PLEKHH2: variants seen among roughly 807,000 people sequenced by gnomAD.
PLEKHH2 encodes pleckstrin homology domain-containing family H member 2.
A neutral mutation model predicts 187.9 loss-of-function variants in PLEKHH2; 129 were observed. The observed-to-expected ratio is 0.69, with a 90% CI of 0.59 to 0.79. PLEKHH2 has a LOEUF of 0.79. PLEKHH2 is among the 30% of genes least tolerant of loss of function. The pLI is 0.00. For missense variants in PLEKHH2, 2,076 were observed against 1,751.2 expected, an observed-to-expected ratio of 1.19 and a Z score of -3.31; for synonymous variants, 686 against 605.6, an observed-to-expected ratio of 1.13 and a Z score of -1.95.
At chr2:43,746,378 G>T (rs184793581) in intron 24 of PLEKHH2, among the ~76,000 whole-genome samples, 2 of 152,240 alleles carry the variant, frequency 1.3e-5, no homozygotes, top group Admixed American at 1.3e-4. Context: ...AGGCATGGTG[G>T]CATGTGCCTG....
intron 6 of PLEKHH2, among the ~76,000 whole-genome samples, chr2:43,696,231 G>T (rs1171861015): frequency 6.6e-6 from 1 of 152,106 alleles, no homozygotes; most frequent in Non-Finnish European, 1.5e-5. Context: ...CCAGCATTTT[G>T]GGAGGCCAAG....
chr2:43,678,490 TCG>T (rs1667981413), intron 2 of PLEKHH2, among the ~76,000 whole-genome samples: 4 of 152,158 alleles, frequency 2.6e-5, no homozygotes, highest in African/African-American at 9.7e-5. Flanking sequence ...CGCAGATCAC[TCG>T]CGGTTAGGAG....
intron 20 of PLEKHH2, among the ~76,000 whole-genome samples, chr2:43,739,245 AT>A (rs1332550459): frequency 6.6e-6 from 1 of 151,874 alleles, no homozygotes; most frequent in Non-Finnish European, 1.5e-5. Context: ...CATTTTTAGA[AT>A]TTTCCTATAT....
chr2:43,756,759 C>A (rs1672227487), intron 25 of PLEKHH2, among the ~76,000 whole-genome samples: 1 of 152,074 alleles, frequency 6.6e-6, no homozygotes, highest in African/African-American at 2.4e-5. Context: ...ACCAGCCTGG[C>A]CAACATGGTG....
At chr2:43,713,400 T>A (rs549174457) in intron 15 of PLEKHH2, among the ~76,000 whole-genome samples, 2 of 152,010 alleles carry the variant, frequency 1.3e-5, no homozygotes, top group Admixed American at 6.6e-5. Flanking sequence ...AAAGAAAAAT[T>A]GGGATCAAAT....
intron 3 of PLEKHH2, chr2:43,680,908 G>T: frequency 1.6e-6 from 1 of 630,260 alleles, no homozygotes; most frequent in African/African-American, 1.9e-5. Context: ...TTTCTGCCTG[G>T]TTGAAATTTA....
At position 43,699,797 on chromosome 2, in the gene PLEKHH2, G is replaced by T. The variant is rs775965920; in HGVS notation, c.839G>T (p.Gly280Val). 1 of 1,613,988 alleles carries T rather than the reference G, an allele frequency of 6.2e-7. No individual in the cohort carries two copies. The highest frequency in any genetic ancestry group is 2.2e-5 in the East Asian group (1 of 44,878). ...GATGGTGGCATCTCCCAGAATTCTGGGGCTCCTGTGAGTGACTGGAGCTCT... is the reference window on the plus strand; with the variant it reads ...GATGGTGGCATCTCCCAGAATTCTGTGGCTCCTGTGAGTGACTGGAGCTCT... ...ATDGGISQNSGAPVSDWSSDE... is the reference protein window; with the variant it reads ...ATDGGISQNSVAPVSDWSSDE... Residue 280 changes from glycine (G) to valine (V), a missense_variant, in exon 8 of 30, where the codon GGG becomes GTG. Physicochemically the swap from Gly to Val is moderately radical, Grantham distance 109. Transcript: ENST00000282406.
In PLEKHH2 at chr2:43,712,242, C is replaced by T. The variant is rs1034285645; in HGVS notation, c.2319C>T (p.His773=). 6.2e-6 allele frequency: 10 copies of T among 1,613,066 alleles called. No individual in the cohort carries two copies. Among genetic ancestry groups the T allele is most frequent in the African/African-American group, 1.3e-5 (1 of 74,908 alleles). The change falls in exon 15 of 30, where the codon CAC becomes CAT. Residue 773 remains histidine (H), a synonymous_variant. Transcript: ENST00000282406. ...CATTCTAGTTGACCACTGAAAAACA[C>T]ACATACTATCTGACTGCAGATTCTC... ...KQTVQLTTEK[H]TYYLTADSPN... is the part of the protein sequence containing the mutation.
At chr2:43,726,487 T>C (rs1321483756) in intron 17 of PLEKHH2, 36 bp downstream of exon 17, 2 of 1,501,676 alleles carry the variant, frequency 1.3e-6, no homozygotes, top group Non-Finnish European at 1.8e-6. Flanking sequence ...TAGAATGATG[T>C]AGACTAATAT....
chr2:43,691,370 A>G (rs1024164513), intron 3 of PLEKHH2, among the ~76,000 whole-genome samples: 1 of 152,248 alleles, frequency 6.6e-6, no homozygotes, highest in Non-Finnish European at 1.5e-5. Flanking sequence ...GGCTCAGAAT[A>G]GGGAGTGCGT....
At position 43,753,772 on chromosome 2, in the gene PLEKHH2, GT is replaced by G. The variant is rs1160833831; in HGVS notation, c.3795+14del. 1.9e-6 allele frequency: 3 copies of G among 1,538,772 alleles called. No individual in the cohort carries two copies. In the African/African-American group the frequency reaches 4.2e-5, roughly 22 times the overall value. On this transcript the variant is annotated intron_variant, in intron 25 of 29. Transcript: ENST00000282406. The stretch of plus-strand genomic sequence containing the variant: ...CTCTTTTATCTCAGGTAACTTCCAT[GT>G]TATATGGAGTAATATATTGAAATAA...
In PLEKHH2 at chr2:43,692,358, A is replaced by G. The variant is rs191455123; in HGVS notation, c.187-156A>G. On this transcript the variant is annotated intron_variant, in intron 3 of 29. Coordinates refer to ENST00000282406, the MANE Select transcript of PLEKHH2 (RefSeq NM_172069.4). The stretch of plus-strand genomic sequence containing the variant: ...CACCACTTGGTGAAATAGGCTTGAG[A>G]CTTTATAATCATTAAATATATTAAA... The G allele has an allele frequency of 2.0e-4, 114 of 561,672 alleles. 1 individual carries two copies. In the African/African-American group the frequency reaches 2.1e-3, roughly 10 times the overall value. The allele number at this position is 561,672 out of a possible 1,614,324, so 34.8% of individuals were successfully genotyped here.
chr2:43,640,343 C>G (rs182820216), intron 1 of PLEKHH2, among the ~76,000 whole-genome samples: 1 of 151,874 alleles, frequency 6.6e-6, no homozygotes, highest in Non-Finnish European at 1.5e-5. Context: ...GTAAGCTCCC[C>G]GACGCTTAGC....
At chr2:43,669,301 C>T (rs1667384335) in intron 2 of PLEKHH2, among the ~76,000 whole-genome samples, 1 of 152,074 alleles carries the variant, frequency 6.6e-6, no homozygotes, top group Non-Finnish European at 1.5e-5. Flanking sequence ...TAAAGAAATG[C>T]AGAGCAAAGC....
chr2:43,699,487 C>T (rs1392862880), intron 7 of PLEKHH2, among the ~76,000 whole-genome samples, 160 bp from the exon 8 acceptor site: 1 of 152,148 alleles, frequency 6.6e-6, no homozygotes, highest in East Asian at 1.9e-4. Flanking sequence ...AAGCAATCAT[C>T]CTGCCTCAGC....
intron 8 of PLEKHH2, among the ~76,000 whole-genome samples, chr2:43,700,891 C>T (rs1361612322): frequency 6.6e-6 from 1 of 152,174 alleles, no homozygotes; most frequent in African/African-American, 2.4e-5. Flanking sequence ...CTCAAGTGAT[C>T]CACCTGCCTT....
chr2:43,650,896 T>C (rs10207662), intron 2 of PLEKHH2, among the ~76,000 whole-genome samples: 96,854 of 151,406 alleles, frequency 0.64, 31,925 homozygotes, highest in African/African-American at 0.78. Context: ...CTGCCCACCT[T>C]GGGCTCCCAA....
At chr2:43,657,437 C>T (rs1236219516) in intron 2 of PLEKHH2, among the ~76,000 whole-genome samples, 1 of 152,208 alleles carries the variant, frequency 6.6e-6, no homozygotes, top group Non-Finnish European at 1.5e-5. Context: ...GTAGCCAGAT[C>T]TCTGTCCATG....
At chr2:43,678,418 C>T (rs545688776) in intron 2 of PLEKHH2, among the ~76,000 whole-genome samples, 1 of 152,080 alleles carries the variant, frequency 6.6e-6, no homozygotes, top group Non-Finnish European at 1.5e-5. Flanking sequence ...AGCCTGGGCA[C>T]CATTGAGCAC....
Sources: allele counts gnomAD v4.1 joint callset (sites outside exome capture counted in the v4.1 genomes callset), GRCh38; gene constraint gnomAD v4.1.1; transcripts MANE v1.5; gene names NCBI Gene and HGNC (gene_info 2026-07-23, HGNC 2026-07-21).